The following WWOX variants were observed in gnomAD, a reference collection of about 807,000 sequenced individuals.
The protein encoded by WWOX is WW domain containing oxidoreductase.
A neutral mutation model predicts 46.2 loss-of-function variants in WWOX; 69 were observed. The observed-to-expected ratio is 1.49, with a 90% CI of 1.23 to 1.82. WWOX has a LOEUF of 1.82. WWOX is among the 40% of genes most tolerant of loss of function. WWOX has a pLI of 0.00. For missense variants in WWOX, 919 were observed against 542.6 expected (o/e 1.69, Z -6.89); for synonymous variants, 359 against 202.6 (o/e 1.77, Z -6.56).
intron 8 of WWOX, among the ~76,000 whole-genome samples, chr16:78,864,412 C>A (rs370146732): frequency 2.0e-5 from 3 of 151,932 alleles, no homozygotes; most frequent in African/African-American, 7.3e-5. Context: ...GGACCACAGG[C>A]GCATGCCACC....
intron 8 of WWOX, chr16:78,897,791 G>A (rs1201565368): frequency 2.6e-5 from 4 of 152,134 alleles, no homozygotes; most frequent in South Asian, 2.1e-4. Flanking sequence ...CCCGCTAGAA[G>A]TGTGTAAGAG....
At chr16:78,691,077 T>C (rs1489749256) in intron 8 of WWOX, among the ~76,000 whole-genome samples, 1 of 152,244 alleles carries the variant, frequency 6.6e-6, no homozygotes, top group East Asian at 1.9e-4. Flanking sequence ...AATGTATTAA[T>C]GACTTCTTTT....
At chr16:79,168,122 G>A (rs1374819437) in intron 8 of WWOX, among the ~76,000 whole-genome samples, 1 of 152,052 alleles carries the variant, frequency 6.6e-6, no homozygotes, top group African/African-American at 2.4e-5. Flanking sequence ...TTGTTTATCT[G>A]TTCATCCATT....
At chr16:78,631,751 C>G (rs1370117429) in intron 8 of WWOX, among the ~76,000 whole-genome samples, 1 of 152,082 alleles carries the variant, frequency 6.6e-6, no homozygotes, top group African/African-American at 2.4e-5. Flanking sequence ...GTCTCTAACT[C>G]CTGGGCTCAA....
chr16:78,397,848 A>G (rs1159012281), intron 6 of WWOX, among the ~76,000 whole-genome samples: 2 of 152,174 alleles, frequency 1.3e-5, no homozygotes, highest in Non-Finnish European at 2.9e-5. Context: ...TCTATCACCA[A>G]AGGGAAATCG....
intron 5 of WWOX, among the ~76,000 whole-genome samples, chr16:78,359,726 A>G (rs908078197): frequency 6.6e-6 from 1 of 152,218 alleles, no homozygotes; most frequent in South Asian, 2.1e-4. Context: ...TTACGAGACA[A>G]CGTGATGTGC....
rs937727804 is a variant in WWOX at position 78,459,977 on chromosome 16, T to G, written c.1056+27225T>G. Among the ~76,000 whole-genome samples, 5 of 150,642 alleles carry G rather than the reference T, an allele frequency of 3.3e-5. 1 individual carries two copies. The highest frequency in any genetic ancestry group is 1.2e-4 in the African/African-American group (5 of 41,038). ...ACGCCAGCACACCCAGCTAATTTTT[T>G]GTATTATTTATAGAGTTGGGTTTTT... On this transcript the variant is annotated intron_variant, in intron 8 of 8. Coordinates refer to ENST00000566780, the MANE Select transcript of WWOX (RefSeq NM_016373.4).
chr16:78,419,206 C>G (rs2082867632), intron 6 of WWOX, among the ~76,000 whole-genome samples: 1 of 152,072 alleles, frequency 6.6e-6, no homozygotes, highest in African/African-American at 2.4e-5. Context: ...GTATAGCTGA[C>G]CAAACTCTGC....
At position 78,533,939 on chromosome 16, in the gene WWOX, C is replaced by G. The variant is rs144167386; in HGVS notation, c.1056+101187C>G. On this transcript the variant is annotated intron_variant, in intron 8 of 8. Transcript: ENST00000566780. Reference sequence around the variant, plus strand: ...GGCTCCCCAGTAACCAGTACAGTGCCAGATACAGAGTAGTAACCCTACATT... The same window carrying G: ...GGCTCCCCAGTAACCAGTACAGTGCGAGATACAGAGTAGTAACCCTACATT... 5.3e-3 allele frequency among the ~76,000 whole-genome samples: 812 copies of G among 152,246 alleles called. 3 individuals are homozygous for G. Among genetic ancestry groups the G allele is most frequent in the Middle Eastern group, 0.02 (6 of 294 alleles).
intron 8 of WWOX, among the ~76,000 whole-genome samples, chr16:78,944,088 T>G (rs1201210647): frequency 6.6e-6 from 1 of 152,124 alleles, no homozygotes; most frequent in Admixed American, 6.6e-5. Flanking sequence ...TCCTGGGTTT[T>G]GTTTGTTTGT....
At chr16:78,674,151 T>C (rs2047532112) in intron 8 of WWOX, among the ~76,000 whole-genome samples, 1 of 152,150 alleles carries the variant, frequency 6.6e-6, no homozygotes, top group Non-Finnish European at 1.5e-5. Context: ...CAGCTCTCTT[T>C]CCTTTGGCTC....
chr16:79,129,224 G>A (rs8048674), intron 8 of WWOX, among the ~76,000 whole-genome samples: 68,273 of 151,030 alleles, frequency 0.45, 16,932 homozygotes, highest in African/African-American at 0.68. Context: ...GACCATCAGG[G>A]CCTAGGATTG....
chr16:78,684,700 T>A (rs2047815181), intron 8 of WWOX, among the ~76,000 whole-genome samples: 1 of 152,178 alleles, frequency 6.6e-6, no homozygotes, highest in Non-Finnish European at 1.5e-5. Flanking sequence ...TCCAGGTTAA[T>A]CTTGGTTTCA....
chr16:78,532,313 C>G (rs550591932), intron 8 of WWOX, among the ~76,000 whole-genome samples: 2 of 152,104 alleles, frequency 1.3e-5, no homozygotes, highest in Non-Finnish European at 2.9e-5. Flanking sequence ...CAGATGACTT[C>G]GGTTCAAGTC....
At chr16:78,941,290 C>G (rs560561014) in intron 8 of WWOX, among the ~76,000 whole-genome samples, 8 of 152,222 alleles carry the variant, frequency 5.3e-5, no homozygotes, top group East Asian at 1.9e-4. Flanking sequence ...ATTAATGCCA[C>G]TAGCAGTAAA....
chr16:78,936,785 C>T (rs951333328), intron 8 of WWOX, among the ~76,000 whole-genome samples: 6 of 152,122 alleles, frequency 3.9e-5, no homozygotes, highest in Admixed American at 2.6e-4. Context: ...TCAGTGCTAC[C>T]GTTTGAAGTA....
At chr16:78,383,444 G>C (rs1165349264) in intron 5 of WWOX, among the ~76,000 whole-genome samples, 1 of 152,082 alleles carries the variant, frequency 6.6e-6, no homozygotes, top group Non-Finnish European at 1.5e-5. Flanking sequence ...GTGAATTATG[G>C]TCAGTTGCAG....
At chr16:78,694,616 C>T (rs867008074) in intron 8 of WWOX, among the ~76,000 whole-genome samples, 5 of 152,182 alleles carry the variant, frequency 3.3e-5, no homozygotes, top group African/African-American at 9.7e-5. Context: ...TTCACATTAA[C>T]CAGCAAAGGC....
At chr16:78,806,662 C>T (rs2051045889) in intron 8 of WWOX, among the ~76,000 whole-genome samples, 1 of 152,076 alleles carries the variant, frequency 6.6e-6, no homozygotes, top group Non-Finnish European at 1.5e-5. Context: ...GAGAAAGAAC[C>T]AAGCAGATGC....
Sources: gnomAD v4.1 joint callset for allele counts (sites outside exome capture counted in the v4.1 genomes callset) on GRCh38, gnomAD v4.1.1 for gene constraint, MANE v1.5 for transcripts, NCBI Gene and HGNC (gene_info 2026-07-23, HGNC 2026-07-21) for gene names.